Variants in PRDX4 observed in about 807,000 individuals in gnomAD.
The protein encoded by PRDX4 is peroxiredoxin-4.
A neutral mutation model predicts 20.5 loss-of-function variants in PRDX4; 12 were observed. The observed-to-expected ratio is 0.58, with a 90% CI of 0.37 to 0.95. PRDX4 has a LOEUF of 0.95. PRDX4 is among the 40% of genes least tolerant of loss of function. The pLI, the probability that PRDX4 is intolerant of heterozygous loss-of-function variation, is 0.01. For missense variants in PRDX4, 180 were observed against 207.3 expected (o/e 0.87, Z 0.81); for synonymous variants, 99 against 87.5 (o/e 1.13, Z -0.73).
chrX:23,680,499 G>C (rs989007540), intron 4 of PRDX4, among the ~76,000 whole-genome samples: 22 of 111,803 alleles, frequency 2.0e-4, no homozygotes, highest in Non-Finnish European at 3.8e-5. Context: ...AGTTTTTCTT[G>C]AATGTTTTAT....
intron 4 of PRDX4, 66 bp downstream of exon 4, chrX:23,679,353 G>T (rs1336931264): frequency 5.7e-6 from 6 of 1,048,365 alleles, no homozygotes; most frequent in Non-Finnish European, 7.6e-6. Context: ...TGAAATAGAT[G>T]TTATTTATGA....
chrX:23,684,805 C>T (rs1383615367), intron 6 of PRDX4, among the ~76,000 whole-genome samples: 2 of 111,229 alleles, frequency 1.8e-5, no homozygotes, highest in African/African-American at 6.5e-5. Flanking sequence ...CCTGGCCCAA[C>T]CAACCTATTT....
rs190424058 is a variant in PRDX4 at position 23,682,640 on chromosome X, T to A, written c.730+114T>A. The A allele has an allele frequency of 3.0e-4, 173 of 584,144 alleles. No homozygotes were observed. The African/African-American group carries it at 3.9e-3, about 13-fold the overall frequency. 48.1% of individuals were successfully genotyped at this position (584,144 alleles called of 1,213,427 possible). A position where few individuals can be genotyped will look rare whatever the true frequency, so the allele number is the denominator to read the frequency against. ...CAAAGTTTTCTGATTATTTACAAAT[T>A]ATTAGCAGATCCTTTTAACAGACCA... On this transcript the variant is annotated intron_variant, in intron 5 of 6. Transcript: ENST00000379341.
At chrX:23,683,973 G>A (rs896410512) in intron 6 of PRDX4, among the ~76,000 whole-genome samples, 11 of 104,721 alleles carry the variant, frequency 1.1e-4, no homozygotes, top group Non-Finnish European at 1.8e-4. Context: ...GCATGAACCC[G>A]GGAGGTGGAG....
In PRDX4 at chrX:23,682,825, C is replaced by CA. The variant is rs568865999; in HGVS notation, c.730+328dup. Among the ~76,000 whole-genome samples, 47 of 9,584 alleles carry CA rather than the reference C, an allele frequency of 4.9e-3. 5 individuals carry two copies. Among genetic ancestry groups the CA allele is most frequent in the East Asian group, 0.022 (2 of 90 alleles). 8.3% of individuals were successfully genotyped at this position (9,584 alleles called of 115,157 possible). ...GTGAAACCTCACCTCTACTAAAAAT[C>CA]AAAAAAAAAAAAAAAAAAAAAAAAA... On this transcript the variant is annotated intron_variant, in intron 5 of 6. Transcript: ENST00000379341.
chrX:23,676,314 A>G (rs1323973381), intron 3 of PRDX4, among the ~76,000 whole-genome samples: 1 of 111,147 alleles, frequency 9.0e-6, no homozygotes, highest in African/African-American at 3.3e-5. Flanking sequence ...ACATTTCCCT[A>G]AGAAATTAAT....
At chrX:23,671,697 T>C (rs1191458616) in intron 2 of PRDX4, 51 bp downstream of exon 2, 1 of 918,335 alleles carries the variant, frequency 1.1e-6, no homozygotes, top group East Asian at 3.2e-5. Flanking sequence ...TATCAATTAT[T>C]TTTCAGGAGT....
chrX:23,671,597 A>C lies in PRDX4; in HGVS notation c.310A>C (p.Thr104Pro), dbSNP rs1927844363. 8.3e-7 allele frequency: 1 copy of C among 1,208,135 alleles called. No individual in the cohort carries two copies. Among genetic ancestry groups the C allele is most frequent in the Non-Finnish European group, 1.1e-6 (1 of 893,980 alleles). ...TGGAGAATTTAAGGAGCTGAAGTTA[A>C]CTGATTATCGTGGGAAATACTTGGT... is the stretch of plus-strand genomic sequence containing the variant. ...IDGEFKELKL[T>P]DYRGKYLVFF... The change falls in exon 2 of 7, where the codon ACT becomes CCT. Residue 104 changes from threonine (T) to proline (P), a missense_variant. By Grantham distance (38) the Thr-to-Pro change is conservative. This residue lies in a region of PRDX4 where 105 missense variants were observed against 114.2 expected (regional missense o/e 0.92). Coordinates refer to ENST00000379341, the MANE Select transcript of PRDX4 (RefSeq NM_006406.2).
chrX:23,676,695 G>GA (rs1325043654), intron 3 of PRDX4, among the ~76,000 whole-genome samples: 2 of 108,384 alleles, frequency 1.8e-5, no homozygotes, highest in African/African-American at 6.7e-5. Context: ...GGGAGCCTGA[G>GA]ATGGAAGGAT....
chrX:23,667,743 A>T lies in PRDX4; in HGVS notation c.173A>T (p.Gln58Leu). 8.3e-7 allele frequency: 1 copy of T among 1,211,489 alleles called. No individual in the cohort carries two copies. The highest frequency in any genetic ancestry group is 1.7e-5 in the African/African-American group (1 of 57,765). The change falls in exon 1 of 7, where the codon CAA becomes CTA. Residue 58 changes from glutamine (Q) to leucine (L), a missense_variant. Gln to Leu is a moderately radical substitution (Grantham distance 113, BLOSUM62 -2). Coordinates refer to ENST00000379341, the MANE Select transcript of PRDX4 (RefSeq NM_006406.2). Reference sequence around the variant, plus strand: ...GAGTGCCACTTCTACGCGGGTGGACAAGTGTACCCGGGAGAGGCATCCCGG... The same window carrying T: ...GAGTGCCACTTCTACGCGGGTGGACTAGTGTACCCGGGAGAGGCATCCCGG... Reference protein sequence around the residue: ...EEECHFYAGGQVYPGEASRVS... With the variant: ...EEECHFYAGGLVYPGEASRVS...
intron 2 of PRDX4, among the ~76,000 whole-genome samples, chrX:23,674,470 C>T (rs569403261): frequency 1.8e-5 from 2 of 109,713 alleles, no homozygotes; most frequent in African/African-American, 6.6e-5. Context: ...CCTGGCTGCA[C>T]AGGACTGGTA....
intron 3 of PRDX4, among the ~76,000 whole-genome samples, chrX:23,677,025 G>A (rs188066377): frequency 9.0e-6 from 1 of 110,736 alleles, no homozygotes; most frequent in African/African-American, 3.3e-5. Flanking sequence ...TAGAGATGGA[G>A]TCTTGCCATG....
At chrX:23,669,328 T>G (rs1927798475) in intron 1 of PRDX4, among the ~76,000 whole-genome samples, 1 of 112,422 alleles carries the variant, frequency 8.9e-6, no homozygotes, top group Non-Finnish European at 1.9e-5. Context: ...TGTCAGCCAG[T>G]TAAGTGTTTA....
chrX:23,667,623 G>A lies in PRDX4; in HGVS notation c.53G>A (p.Arg18Gln), dbSNP rs1302480845. ...AATTPDHGRHRRLLLLPLLLF... is the reference protein window; with the variant it reads ...AATTPDHGRHQRLLLLPLLLF... ...ACAACTCCGGACCACGGCCGCCACC[G>A]AAGGCTGCTTCTGCTGCCGCTACTG... The change falls in exon 1 of 7, where the codon CGA becomes CAA. Residue 18 changes from arginine to glutamine, a missense_variant. Coordinates refer to ENST00000379341, the MANE Select transcript of PRDX4 (RefSeq NM_006406.2). The A allele has an allele frequency of 8.3e-7, 1 of 1,199,472 alleles. No homozygotes were observed. The highest frequency in any genetic ancestry group is 1.8e-5 in the South Asian group (1 of 55,608).
chrX:23,671,501 C>T, intron 1 of PRDX4, 28 bp from the exon 2 acceptor site: 1 of 1,107,873 alleles, frequency 9.0e-7, no homozygotes, highest in Middle Eastern at 2.4e-4. Context: ...CTCAGTGTTA[C>T]AGAACATCAT....
intron 5 of PRDX4, among the ~76,000 whole-genome samples, chrX:23,682,825 CAAAAAAAAAAAAAAAAAA>C (rs568865999): frequency 1.0e-4 from 1 of 9,584 alleles, no homozygotes; most frequent in African/African-American, 4.8e-4. Context: ...TACTAAAAAT[CAAAAAAAAAAAAAAAAAA>C]AAAAAAAAAA....
At position 23,682,454 on chromosome X, in the gene PRDX4, C is replaced by G; in HGVS notation, c.658C>G (p.Pro220Ala). The G allele has an allele frequency of 2.5e-6, 3 of 1,181,471 alleles. No individual in the cohort carries two copies. Among genetic ancestry groups the G allele is most frequent in the Non-Finnish European group, 3.4e-6 (3 of 875,429 alleles). ...ILRQITLNDL[P>A]VGRSVDETLR... ...AAGACAAATTACTCTGAATGATCTTCCTGTGGGTAGATCAGTGGATGAGAC... is the reference window on the plus strand; with the variant it reads ...AAGACAAATTACTCTGAATGATCTTGCTGTGGGTAGATCAGTGGATGAGAC... The change falls in exon 5 of 7, where the codon CCT (proline) becomes GCT (alanine). Residue 220 changes from proline (P) to alanine (A), a missense_variant. By Grantham distance (27) the Pro-to-Ala change is conservative. This residue lies in a region of PRDX4 where 73 missense variants were observed against 76.5 expected (regional missense o/e 0.95). Coordinates refer to ENST00000379341, the MANE Select transcript of PRDX4 (RefSeq NM_006406.2).
At chrX:23,668,248 C>T (rs946250885) in intron 1 of PRDX4, among the ~76,000 whole-genome samples, 2 of 112,421 alleles carry the variant, frequency 1.8e-5, no homozygotes, top group Non-Finnish European at 3.8e-5. Context: ...AAACACAGTG[C>T]TCGGGAGGTC....
intron 4 of PRDX4, among the ~76,000 whole-genome samples, chrX:23,681,621 A>T (rs1928070011): frequency 8.9e-6 from 1 of 112,686 alleles, no homozygotes; most frequent in South Asian, 3.6e-4. Flanking sequence ...TTAATTTCCA[A>T]GAATAAATAT....
Sources: allele counts gnomAD v4.1 joint callset (sites outside exome capture counted in the v4.1 genomes callset), GRCh38; gene constraint gnomAD v4.1.1; regional missense constraint gnomAD v4.1.1; transcripts MANE v1.5; gene names NCBI Gene and HGNC (gene_info 2026-07-23, HGNC 2026-07-21).